SLC36A1: variants seen among roughly 807,000 people sequenced by gnomAD.
SLC36A1 encodes proton-coupled amino acid transporter 1.
In SLC36A1, 30 loss-of-function variants were observed where a neutral mutation model predicts 47.5. The ratio of observed to expected loss-of-function variants is 0.63; its 90% CI spans 0.47 to 0.86. The LOEUF (loss-of-function observed/expected upper bound fraction) is 0.86, where lower values mean the gene tolerates loss of function less well. Among genes scored for constraint, SLC36A1 ranks in the 40% least tolerant of loss-of-function variants. The probability of loss-of-function intolerance (pLI) is 0.00; values close to 1 mark genes in which losing one functional copy is unlikely to be tolerated. For synonymous variants in SLC36A1, 255 were observed against 249.7 expected, an observed-to-expected ratio of 1.02 and a Z score of -0.20; for missense variants, 517 against 606.0, an observed-to-expected ratio of 0.85 and a Z score of 1.54.
At chr5:151,544,755 G>A in the SLC36A1 span, 3 of 1,614,006 alleles carry the variant, frequency 1.9e-6, no homozygotes, top group African/African-American at 1.3e-5. Context: ...TGAGTGATAT[G>A]TCCCCAAGAT....
At chr5:151,540,910 ACT>A in the SLC36A1 span, 3 of 667,552 alleles carry the variant, frequency 4.5e-6, no homozygotes, top group Non-Finnish European at 7.3e-6. Flanking sequence ...ACGATTCTAC[ACT>A]GAGTCCACTT....
At chr5:151,355,048 A>G in the SLC36A1 span, among the ~76,000 whole-genome samples, 1 of 152,214 alleles carries the variant, frequency 6.6e-6, no homozygotes, top group African/African-American at 2.4e-5. Context: ...CATTAAAATG[A>G]CAACAATGAA....
At chr5:151,527,694 T>A in the SLC36A1 span, among the ~76,000 whole-genome samples, 968 of 152,220 alleles carry the variant, frequency 6.4e-3, 10 homozygotes, top group African/African-American at 0.022. Flanking sequence ...TTTAGGAAAG[T>A]GTCTGGCACA....
the SLC36A1 span, among the ~76,000 whole-genome samples, chr5:151,369,229 A>G: frequency 2.0e-5 from 3 of 152,210 alleles, no homozygotes; most frequent in Non-Finnish European, 2.9e-5. Flanking sequence ...TTTTAAGGCA[A>G]TACTCTGGCT....
the SLC36A1 span, among the ~76,000 whole-genome samples, chr5:151,416,637 C>T: frequency 2.7e-5 from 4 of 147,334 alleles, no homozygotes; most frequent in Non-Finnish European, 1.5e-5. Flanking sequence ...CAAAACAGCT[C>T]TGTTGTCAGG....
At chr5:151,499,917 C>T in the SLC36A1 span, among the ~76,000 whole-genome samples, 2 of 152,176 alleles carry the variant, frequency 1.3e-5, no homozygotes, top group Non-Finnish European at 2.9e-5. Flanking sequence ...CCACCCTGCC[C>T]CTCCCTTCTG....
rs115296729 is a variant in SLC36A1 at position 151,472,111 on chromosome 5, T to A, written c.724-1562T>A. Among the ~76,000 whole-genome samples the A allele has an allele frequency of 3.7e-3, 566 of 152,296 alleles. 3 individuals are homozygous for A. Among genetic ancestry groups the A allele is most frequent in the African/African-American group, 0.013 (546 of 41,554 alleles). On this transcript the variant is annotated intron_variant, in intron 7 of 10. Coordinates refer to ENST00000243389, the MANE Select transcript of SLC36A1 (RefSeq NM_078483.4). ...AGAACTAATAGGATAGATGTACATA[T>A]ATAGGGGAGTTTATTAAGGAATATT...
chr5:151,449,047 C>T (rs894901908), intron 1 of SLC36A1, among the ~76,000 whole-genome samples: 1 of 152,142 alleles, frequency 6.6e-6, no homozygotes, highest in African/African-American at 2.4e-5. Context: ...AGCCAGTGCC[C>T]CTGACCAGGG....
the SLC36A1 span, among the ~76,000 whole-genome samples, chr5:151,358,337 TC>T: frequency 1.3e-5 from 2 of 151,984 alleles, no homozygotes; most frequent in Non-Finnish European, 2.9e-5. Context: ...GCATTGGTGA[TC>T]CTCACTCACT....
chr5:151,433,490 C>T (rs1251239245), upstream of SLC36A1, among the ~76,000 whole-genome samples: 1 of 150,118 alleles, frequency 6.7e-6, no homozygotes, highest in Admixed American at 6.7e-5. Context: ...AGGGTTTCAC[C>T]ATGTTGTCCA....
At chr5:151,388,284 C>T in the SLC36A1 span, among the ~76,000 whole-genome samples, 1 of 152,038 alleles carries the variant, frequency 6.6e-6, no homozygotes, top group Non-Finnish European at 1.5e-5. Context: ...GGCGGATCAC[C>T]TGAGGTCGGG....
chr5:151,429,319 G>A, the SLC36A1 span, among the ~76,000 whole-genome samples: 1 of 149,904 alleles, frequency 6.7e-6, no homozygotes, highest in Admixed American at 6.6e-5. Flanking sequence ...TTTAGCATTA[G>A]GTATATCTCC....
At chr5:151,496,286 C>A (rs149844352), downstream of SLC36A1, among the ~76,000 whole-genome samples, 1 of 152,280 alleles carries the variant, frequency 6.6e-6, no homozygotes, top group East Asian at 1.9e-4. Flanking sequence ...CCTTCCGCCG[C>A]GATTGTGAGG....
the SLC36A1 span, among the ~76,000 whole-genome samples, chr5:151,355,073 A>G: frequency 6.6e-6 from 1 of 152,172 alleles, no homozygotes; most frequent in African/African-American, 2.4e-5. Flanking sequence ...AACCAGCAAA[A>G]AGTCTGGCTG....
the SLC36A1 span, among the ~76,000 whole-genome samples, chr5:151,358,740 G>A: frequency 2.6e-5 from 4 of 151,994 alleles, no homozygotes; most frequent in South Asian, 2.1e-4. Flanking sequence ...TTGGGAGGCC[G>A]AGGCGGGTGG....
chr5:151,385,451 A>G, the SLC36A1 span, among the ~76,000 whole-genome samples: 1 of 152,224 alleles, frequency 6.6e-6, no homozygotes, highest in Non-Finnish European at 1.5e-5. Context: ...AAAACCCAGA[A>G]TCGCCATCCA....
At chr5:151,545,735 A>G in the SLC36A1 span, 1 of 1,614,058 alleles carries the variant, frequency 6.2e-7, no homozygotes, top group East Asian at 2.2e-5. Flanking sequence ...ACCAACAAGG[A>G]ATTAGCTTCT....
chr5:151,450,038 C>G (rs1753394993), intron 1 of SLC36A1, among the ~76,000 whole-genome samples: 1 of 151,560 alleles, frequency 6.6e-6, no homozygotes, highest in Non-Finnish European at 1.5e-5. Flanking sequence ...GAGCAGATGT[C>G]TGCTTACTAG....
intron 9 of SLC36A1, 24 bp downstream of exon 9, chr5:151,476,780 C>G: frequency 6.2e-7 from 1 of 1,610,380 alleles, no homozygotes; most frequent in Non-Finnish European, 8.5e-7. Flanking sequence ...GGATGGAAAC[C>G]TAGGAGCACT....
Sources: allele counts gnomAD v4.1 joint callset (sites outside exome capture counted in the v4.1 genomes callset), GRCh38; gene constraint gnomAD v4.1.1; transcripts MANE v1.5; gene names NCBI Gene and HGNC (gene_info 2026-07-23, HGNC 2026-07-21).